NOX5: variants seen among roughly 807,000 people sequenced by gnomAD.
The protein encoded by NOX5 is NADPH oxidase 5, also known as NADPH oxidase, EF-hand calcium binding domain 5.
A neutral mutation model predicts 85.7 loss-of-function variants in NOX5; 76 were observed. The ratio of observed to expected loss-of-function variants is 0.89; its 90% confidence interval spans 0.74 to 1.07. The LOEUF (loss-of-function observed/expected upper bound fraction) is 1.07, where lower values mean the gene tolerates loss of function less well. Among genes scored for constraint, NOX5 ranks in the 50% least tolerant of loss-of-function variants. The probability of loss-of-function intolerance (pLI) is 0.00; values close to 1 mark genes in which losing one functional copy is unlikely to be tolerated. For synonymous variants in NOX5, 405 were observed against 401.4 expected (o/e 1.01, Z -0.11); for missense variants, 973 against 999.5 (o/e 0.97, Z 0.36).
At chr15:69,037,551 T>TCTG in intron 8 of NOX5, 1 of 227,956 alleles carries the variant, frequency 4.4e-6, no homozygotes, top group Non-Finnish European at 8.6e-6. Flanking sequence ...CTGTCCTGCT[T>TCTG]TCTAGGGGAG....
In NOX5 at chr15:69,042,647, C is replaced by T. The variant is rs1316002787; in HGVS notation, c.1505-16C>T. The stretch of plus-strand genomic sequence containing the variant: ...ACTATGGACCTCCTTTCCCCTCCCA[C>T]TCTTCTCTTTCTCAGACACTATCTG... On this transcript the variant is annotated splice_polypyrimidine_tract_variant and intron_variant, in intron 9 of 15. Transcript: ENST00000388866. 5 of 1,609,834 alleles carry T rather than the reference C, an allele frequency of 3.1e-6. No individual in the cohort carries two copies. In the East Asian group the frequency reaches 8.9e-5, roughly 29 times the overall value.
At chr15:69,023,052 G>A in intron 1 of NOX5, 3 of 452,466 alleles carry the variant, frequency 6.6e-6, no homozygotes, top group South Asian at 5.4e-5. Flanking sequence ...GGGGTACTTT[G>A]CATCAACTGG....
At chr15:69,050,785 T>C (rs2050738980) in intron 14 of NOX5, among the ~76,000 whole-genome samples, 1 of 152,216 alleles carries the variant, frequency 6.6e-6, no homozygotes, top group Non-Finnish European at 1.5e-5. Flanking sequence ...TTAACTTTTA[T>C]TGGGGTGAGT....
chr15:69,016,392 G>T (rs955804882), intron 1 of NOX5, among the ~76,000 whole-genome samples: 1 of 152,214 alleles, frequency 6.6e-6, no homozygotes, highest in Non-Finnish European at 1.5e-5. Context: ...CTTGCTGCCT[G>T]CAGCTCCAGT....
intron 7 of NOX5, 72 bp from the exon 8 acceptor site, chr15:69,036,956 C>A (rs766659349): frequency 8.1e-7 from 1 of 1,238,230 alleles, no homozygotes; most frequent in Non-Finnish European, 1.2e-6. Context: ...TGAGGATAAC[C>A]CTGAGTCCTG....
At chr15:69,050,165 C>T (rs1302803621) in intron 14 of NOX5, among the ~76,000 whole-genome samples, 1 of 152,198 alleles carries the variant, frequency 6.6e-6, no homozygotes, top group African/African-American at 2.4e-5. Flanking sequence ...TCAGTAAGTC[C>T]ATTCATTCCT....
rs146238667 is a variant in NOX5, at chr15:69,034,589, T to C, written c.856-765T>C. Among the ~76,000 whole-genome samples, 6 of 152,316 alleles carry C rather than the reference T, an allele frequency of 3.9e-5. No individual in the cohort carries two copies. The East Asian group carries it at 1.2e-3, about 29-fold the overall frequency. On this transcript the variant is annotated intron_variant, in intron 5 of 15. Coordinates refer to ENST00000388866, the MANE Select transcript of NOX5 (RefSeq NM_024505.4). ...ACTGTAACCTACAAGTCCACATCCT[T>C]GGCAAACATAAATATACTGAAAGCA...
rs775365871 is a variant in NOX5, at chr15:69,028,358, C to T, written c.318C>T (p.Asp106=). 1 of 1,601,384 alleles carries T rather than the reference C, an allele frequency of 6.2e-7. No homozygotes were observed. The highest frequency in any genetic ancestry group is 8.5e-7 in the Non-Finnish European group (1 of 1,173,106). Residue 106 remains aspartate (D), a synonymous_variant, in exon 3 of 16, where the codon GAC becomes GAT. Coordinates refer to ENST00000388866, the MANE Select transcript of NOX5 (RefSeq NM_024505.4). ...DKLKFLFQVY[D]IDVCARQGAS... ...TCAAATTCCTCTTCCAGGTGTATGA[C>T]ATCGATGGTAAGGGCTCTTCCTGGG...
At chr15:69,028,980 G>C (rs1398041032) in intron 3 of NOX5, 1 of 151,970 alleles carries the variant, frequency 6.6e-6, no homozygotes, top group Non-Finnish European at 1.5e-5. Context: ...TTTTATTGTG[G>C]TAAAATATAC....
chr15:69,031,891 C>A, intron 4 of NOX5, 79 bp downstream of exon 4: 1 of 1,427,538 alleles, frequency 7.0e-7, no homozygotes, highest in Non-Finnish European at 9.5e-7. Context: ...GAACTCACCG[C>A]GGATCCACTC....
intron 10 of NOX5, among the ~76,000 whole-genome samples, chr15:69,044,961 G>GAT (rs1266308632): frequency 2.0e-5 from 3 of 152,204 alleles, no homozygotes; most frequent in African/African-American, 7.2e-5. Flanking sequence ...GCCCAAGGGA[G>GAT]ATCCCTGGCC....
intron 6 of NOX5, 77 bp downstream of exon 6, chr15:69,035,584 G>T: frequency 1.9e-6 from 3 of 1,577,664 alleles, no homozygotes; most frequent in Non-Finnish European, 1.7e-6. Flanking sequence ...CCCAGCCCCT[G>T]TGTGTACTGC....
chr15:69,026,863 C>T (rs2050364927), intron 2 of NOX5, among the ~76,000 whole-genome samples: 1 of 152,180 alleles, frequency 6.6e-6, no homozygotes. Flanking sequence ...AAGTCAGTAG[C>T]TTGTCAAATC....
chr15:69,028,120 C>G (rs532470458), intron 2 of NOX5, 95 bp from the exon 3 acceptor site: 25 of 1,365,574 alleles, frequency 1.8e-5, no homozygotes, highest in African/African-American at 4.4e-5. Context: ...GTGCACCCCC[C>G]CACCACCACC....
chr15:69,040,399 C>A (rs1182201264), intron 9 of NOX5, among the ~76,000 whole-genome samples: 1 of 152,182 alleles, frequency 6.6e-6, no homozygotes, highest in Non-Finnish European at 1.5e-5. Flanking sequence ...GAATAGGCTT[C>A]CAGCTCTCTC....
At chr15:69,043,174 T>G (rs1265610162) in intron 10 of NOX5, among the ~76,000 whole-genome samples, 1 of 152,192 alleles carries the variant, frequency 6.6e-6, no homozygotes, top group African/African-American at 2.4e-5. Flanking sequence ...TACTTACCTT[T>G]CTCCTGTGAC....
chr15:69,023,245 A>G (rs1035642725), intron 1 of NOX5: 2 of 240,736 alleles, frequency 8.3e-6, no homozygotes, highest in African/African-American at 2.4e-5. Flanking sequence ...TCCTCCTTCA[A>G]CAGAGAAACA....
chr15:69,050,011 C>A (rs2050727247), intron 14 of NOX5, among the ~76,000 whole-genome samples: 1 of 152,258 alleles, frequency 6.6e-6, no homozygotes, highest in Non-Finnish European at 1.5e-5. Context: ...TAACCCCTGG[C>A]AACCACTGGT....
chr15:69,028,370 G>T lies in NOX5; in HGVS notation c.325+5G>T, dbSNP rs1404885431. On this transcript the variant is annotated splice_donor_5th_base_variant and intron_variant, in intron 3 of 15. Transcript: ENST00000388866. ...TCCAGGTGTATGACATCGATGGTAA[G>T]GGCTCTTCCTGGGTGTGGGCTGGGG... The T allele has an allele frequency of 2.3e-5, 37 of 1,590,342 alleles. No homozygotes were observed. The Admixed American group carries it at 6.4e-4, about 27-fold the overall frequency.
Sources: gnomAD v4.1 joint callset for allele counts (sites outside exome capture counted in the v4.1 genomes callset) on GRCh38, gnomAD v4.1.1 for gene constraint, MANE v1.5 for transcripts, NCBI Gene and HGNC (gene_info 2026-07-23, HGNC 2026-07-21) for gene names.